Variants in C1orf105 observed in about 807,000 individuals in gnomAD.
C1orf105 encodes chromosome 1 open reading frame 105, also known as uncharacterized protein C1orf105.
C1orf105 carries 17 observed loss-of-function variants against 20.8 expected under a neutral mutation model. The observed-to-expected ratio is 0.82, with a 90% CI of 0.56 to 1.23. C1orf105 has a LOEUF of 1.23. Ranked by LOEUF, C1orf105 falls within the 50% of genes most tolerant of loss-of-function variation. The probability of loss-of-function intolerance (pLI) is 0.00; values close to 1 mark genes in which losing one functional copy is unlikely to be tolerated. For missense variants in C1orf105, 219 were observed against 213.5 expected, an observed-to-expected ratio of 1.03 and a Z score of -0.16; for synonymous variants, 72 against 72.1, an observed-to-expected ratio of 1.00 and a Z score of 0.01.
intron 1 of C1orf105, among the ~76,000 whole-genome samples, chr1:172,428,362 CCAATGGCT>C (rs2071776991): frequency 6.6e-6 from 1 of 152,212 alleles, no homozygotes; most frequent in South Asian, 2.1e-4. Context: ...CCATGACCCT[CCAATGGCT>C]CCTATCTCAG....
intron 6 of C1orf105, among the ~76,000 whole-genome samples, chr1:172,466,573 TACACACACAC>T (rs3980398): frequency 4.1e-4 from 60 of 147,190 alleles, no homozygotes; most frequent in African/African-American, 9.3e-4. Context: ...ATGAATCACA[TACACACACAC>T]ACACACACAC....
At chr1:172,426,972 A>G (rs2071740041) in intron 1 of C1orf105, among the ~76,000 whole-genome samples, 1 of 152,212 alleles carries the variant, frequency 6.6e-6, no homozygotes, top group Admixed American at 6.5e-5. Context: ...AAGCACACAC[A>G]CAAGCAAAGA....
At chr1:172,452,910 T>G (rs572395496) in intron 3 of C1orf105, 1 of 1,501,106 alleles carries the variant, frequency 6.7e-7, no homozygotes, top group East Asian at 2.5e-5. Flanking sequence ...TCCCTCTCCA[T>G]TCCTGTTATT....
chr1:172,465,021 GA>G lies in C1orf105; in HGVS notation c.342-274del, dbSNP rs1649939220. Among the ~76,000 whole-genome samples, 4 of 151,922 alleles carry G rather than the reference GA, an allele frequency of 2.6e-5. No individual in the cohort carries two copies. In the South Asian group the frequency reaches 8.3e-4, roughly 32 times the overall value. On this transcript the variant is annotated intron_variant, in intron 5 of 6. Coordinates refer to ENST00000367727, the MANE Select transcript of C1orf105 (RefSeq NM_139240.4). ...AACATGGTGAAACCCCATCTCTACT[GA>G]AAATACTAAAATTAGCCAGGTGTGG... is the stretch of plus-strand genomic sequence containing the variant.
intron 3 of C1orf105, among the ~76,000 whole-genome samples, chr1:172,453,920 T>A (rs970459892): frequency 6.6e-6 from 1 of 152,212 alleles, no homozygotes; most frequent in Admixed American, 6.5e-5. Flanking sequence ...AAGCATTTCA[T>A]CCCTCAGATT....
rs1647463597 is a variant in C1orf105 at position 172,442,720 on chromosome 1, G to C, written c.22-2353G>C. ...GAAGTTTTGAAATGAGACCTCCCTG[G>C]AAATTCCATGCTGTGTTGATGTTCT... On this transcript the variant is annotated intron_variant, in intron 1 of 6. Coordinates refer to ENST00000367727, the MANE Select transcript of C1orf105 (RefSeq NM_139240.4). 3.0e-6 allele frequency: 3 copies of C among 1,014,618 alleles called. No homozygotes were observed. In the African/African-American group the frequency reaches 4.8e-5, roughly 16 times the overall value. 62.9% of individuals were successfully genotyped at this position (1,014,618 alleles called of 1,614,324 possible).
intron 1 of C1orf105, among the ~76,000 whole-genome samples, chr1:172,423,565 T>A (rs1443865606): frequency 6.6e-6 from 1 of 151,792 alleles, no homozygotes; most frequent in Non-Finnish European, 1.5e-5. Flanking sequence ...CTAACAAGCA[T>A]CCACAAGCAC....
chr1:172,444,011 G>C, intron 1 of C1orf105: 3 of 1,000,266 alleles, frequency 3.0e-6, no homozygotes, highest in Non-Finnish European at 3.6e-6. Context: ...GGGTTGCGCA[G>C]CTGGGGGACG....
At chr1:172,428,450 C>T (rs182109084) in intron 1 of C1orf105, among the ~76,000 whole-genome samples, 4 of 152,318 alleles carry the variant, frequency 2.6e-5, no homozygotes, top group African/African-American at 7.2e-5. Context: ...TCTACGACTT[C>T]GTCTTCTGTT....
intron 4 of C1orf105, among the ~76,000 whole-genome samples, 187 bp from the exon 5 acceptor site, chr1:172,461,991 G>A (rs1649728322): frequency 1.3e-5 from 2 of 152,184 alleles, no homozygotes; most frequent in Non-Finnish European, 2.9e-5. Flanking sequence ...AATTTCAACT[G>A]ATATCCAGGG....
intron 1 of C1orf105, among the ~76,000 whole-genome samples, chr1:172,422,982 G>T (rs2071628899): frequency 6.6e-6 from 1 of 152,184 alleles, no homozygotes; most frequent in African/African-American, 2.4e-5. Context: ...AAACCAGGTA[G>T]ATTTCTAAAG....
At chr1:172,452,580 T>C (rs1573877402) in intron 3 of C1orf105, among the ~76,000 whole-genome samples, 1 of 152,312 alleles carries the variant, frequency 6.6e-6, no homozygotes, top group South Asian at 2.1e-4. Flanking sequence ...GAGAGAAATA[T>C]ATTTCTCTGT....
At chr1:172,442,735 G>A in intron 1 of C1orf105, 3 of 902,678 alleles carry the variant, frequency 3.3e-6, no homozygotes, top group Non-Finnish European at 5.3e-6. Context: ...TCCATGCTGT[G>A]TTGATGTTCT....
chr1:172,420,997 A>G, intron 1 of C1orf105, 91 bp downstream of exon 1: 3 of 1,202,282 alleles, frequency 2.5e-6, no homozygotes, highest in Non-Finnish European at 3.6e-6. Context: ...ATAAACATTG[A>G]GGGGTGTTTC....
rs145749578 is a variant in C1orf105, at chr1:172,466,812, T to C, written c.406+1449T>C. ...ATGGCCCTGATTCTTGTCCATAGAGTTCATCCTAGAACAGTAATCTTAGAG... is the reference window on the plus strand; with the variant it reads ...ATGGCCCTGATTCTTGTCCATAGAGCTCATCCTAGAACAGTAATCTTAGAG... On this transcript the variant is annotated intron_variant, in intron 6 of 6. Transcript: ENST00000367727. Among the ~76,000 whole-genome samples, 12 of 152,220 alleles carry C rather than the reference T, an allele frequency of 7.9e-5. No homozygotes were observed. In the East Asian group the frequency reaches 2.3e-3, roughly 29 times the overall value.
At chr1:172,435,329 C>T (rs373077559) in intron 1 of C1orf105, among the ~76,000 whole-genome samples, 2 of 152,072 alleles carry the variant, frequency 1.3e-5, no homozygotes, top group Non-Finnish European at 2.9e-5. Flanking sequence ...TGATGAATGT[C>T]GATGCAAAAA....
At chr1:172,461,408 AC>A (rs1649684561) in intron 4 of C1orf105, among the ~76,000 whole-genome samples, 2 of 152,214 alleles carry the variant, frequency 1.3e-5, no homozygotes, top group Non-Finnish European at 2.9e-5. Flanking sequence ...GAACACCTGC[AC>A]CCACATCTTT....
intron 1 of C1orf105, among the ~76,000 whole-genome samples, chr1:172,426,655 T>C (rs1489364081): frequency 6.6e-6 from 1 of 152,138 alleles, no homozygotes; most frequent in Non-Finnish European, 1.5e-5. Flanking sequence ...TTTCCAAAAT[T>C]AAAACCTTGT....
At chr1:172,439,431 C>A (rs1035315098) in intron 1 of C1orf105, among the ~76,000 whole-genome samples, 5 of 152,120 alleles carry the variant, frequency 3.3e-5, no homozygotes, top group Admixed American at 6.5e-5. Flanking sequence ...GCTGTAATAA[C>A]CTTCTCCCCA....
Sources: allele counts gnomAD v4.1 joint callset (sites outside exome capture counted in the v4.1 genomes callset), GRCh38; gene constraint gnomAD v4.1.1; transcripts MANE v1.5; gene names NCBI Gene and HGNC (gene_info 2026-07-23, HGNC 2026-07-21).